The following VPS13B variants were observed in gnomAD, a reference collection of about 807,000 sequenced individuals.
The protein encoded by VPS13B is vacuolar protein sorting 13 homolog B, also known as intermembrane lipid transfer protein VPS13B.
In VPS13B, 285 loss-of-function variants were observed where a neutral mutation model predicts 426.4. That is an observed-to-expected ratio of 0.67 (90% CI 0.61 to 0.74). The LOEUF (loss-of-function observed/expected upper bound fraction) is 0.74. VPS13B is among the 30% of genes least tolerant of loss of function. The pLI, the probability that VPS13B is intolerant of heterozygous loss-of-function variation, is 0.00. For missense variants in VPS13B, 4,537 were observed against 4,782.6 expected (o/e 0.95, Z 1.51); for synonymous variants, 1,676 against 1,676.4 (o/e 1.00, Z 0.01).
rs150328055 is a variant in VPS13B, at chr8:99,628,665, A to G, written c.5221-13146A>G. Among the ~76,000 whole-genome samples, 21 of 152,328 alleles carry G rather than the reference A, an allele frequency of 1.4e-4. No individual in the cohort carries two copies. In the East Asian group the frequency reaches 1.7e-3, roughly 13 times the overall value. ...GATTTTTGAGTCATGGTTAAGAGCT[A>G]TGAAAGAAATAAGGTTCCGAGACAA... On this transcript the variant is annotated intron_variant, in intron 33 of 61. Transcript: ENST00000357162.
At chr8:99,654,800 T>A (rs1205591179) in intron 34 of VPS13B, among the ~76,000 whole-genome samples, 2 of 152,066 alleles carry the variant, frequency 1.3e-5, no homozygotes, top group Non-Finnish European at 2.9e-5. Context: ...TTAAATTCTC[T>A]GTAAGTTCTA....
intron 35 of VPS13B, among the ~76,000 whole-genome samples, chr8:99,691,634 C>A (rs1475780535): frequency 6.6e-6 from 1 of 150,702 alleles, no homozygotes; most frequent in African/African-American, 2.4e-5. Context: ...ACTGCATCAA[C>A]TAACGAGCAA....
intron 23 of VPS13B, among the ~76,000 whole-genome samples, chr8:99,444,988 G>A (rs1271330847): frequency 1.3e-5 from 2 of 151,524 alleles, no homozygotes; most frequent in Admixed American, 6.6e-5. Flanking sequence ...CTACTTTTTA[G>A]TTGTATTTTT....
chr8:99,343,796 A>G (rs1811380348), intron 19 of VPS13B, among the ~76,000 whole-genome samples: 2 of 152,226 alleles, frequency 1.3e-5, no homozygotes, highest in Non-Finnish European at 2.9e-5. Flanking sequence ...TGAAGACTAT[A>G]GAACACTGAT....
At chr8:99,209,288 AAAAC>A (rs1814922152) in intron 17 of VPS13B, among the ~76,000 whole-genome samples, 1 of 151,016 alleles carries the variant, frequency 6.6e-6, no homozygotes. Flanking sequence ...TCTCAAAAAA[AAAAC>A]AAAACAAAAA....
At chr8:99,142,050 AAAAT>A (rs1257526958) in intron 12 of VPS13B, among the ~76,000 whole-genome samples, 1 of 152,168 alleles carries the variant, frequency 6.6e-6, no homozygotes, top group Non-Finnish European at 1.5e-5. Context: ...CTCTGTCTCA[AAAAT>A]AAATAAATAA....
At chr8:99,385,460 C>A (rs1814063907) in intron 20 of VPS13B, among the ~76,000 whole-genome samples, 1 of 152,128 alleles carries the variant, frequency 6.6e-6, no homozygotes, top group South Asian at 2.1e-4. Flanking sequence ...TACTAAGGAG[C>A]ACCTTTTAAA....
At chr8:99,858,512 C>A (rs967064583) in intron 56 of VPS13B, among the ~76,000 whole-genome samples, 2 of 152,168 alleles carry the variant, frequency 1.3e-5, no homozygotes, top group African/African-American at 4.8e-5. Flanking sequence ...ATGGTGAATC[C>A]CCATCTCTAC....
intron 5 of VPS13B, among the ~76,000 whole-genome samples, chr8:99,106,023 T>C (rs981884507): frequency 6.6e-6 from 1 of 152,216 alleles, no homozygotes; most frequent in Non-Finnish European, 1.5e-5. Flanking sequence ...AATTATCTTG[T>C]TTAACCCTTT....
intron 2 of VPS13B, among the ~76,000 whole-genome samples, chr8:99,015,533 A>C (rs989548141): frequency 6.0e-5 from 9 of 150,284 alleles, no homozygotes; most frequent in Admixed American, 2.7e-4. Context: ...CAATTTTAAA[A>C]TGTTTTACAC....
At chr8:99,670,187 T>C (rs186422211) in intron 35 of VPS13B, among the ~76,000 whole-genome samples, 5 of 152,218 alleles carry the variant, frequency 3.3e-5, no homozygotes, top group Non-Finnish European at 4.4e-5. Context: ...AGGTAACTGA[T>C]TCAGGAGGAT....
intron 40 of VPS13B, among the ~76,000 whole-genome samples, chr8:99,773,088 A>T (rs1811589965): frequency 6.6e-6 from 1 of 152,184 alleles, no homozygotes; most frequent in South Asian, 2.1e-4. Flanking sequence ...ATTTGTTTTT[A>T]ATCAAGTGGT....
At chr8:99,667,353 C>G (rs1338317097) in intron 35 of VPS13B, among the ~76,000 whole-genome samples, 1 of 151,952 alleles carries the variant, frequency 6.6e-6, no homozygotes, top group Non-Finnish European at 1.5e-5. Context: ...CTTTGAGAGC[C>G]AAACCACAGA....
intron 25 of VPS13B, among the ~76,000 whole-genome samples, chr8:99,494,440 A>G (rs1173851639): frequency 6.6e-6 from 1 of 151,836 alleles, no homozygotes; most frequent in African/African-American, 2.4e-5. Context: ...ATTCTTAAGC[A>G]TTTTATTATT....
chr8:99,648,727 T>C (rs1186715937), intron 34 of VPS13B, among the ~76,000 whole-genome samples: 6 of 152,124 alleles, frequency 3.9e-5, no homozygotes, highest in African/African-American at 1.4e-4. Flanking sequence ...CCAGATAAGA[T>C]TTTAATCTTT....
chr8:99,236,520 G>T (rs1435414617), intron 17 of VPS13B, among the ~76,000 whole-genome samples: 1 of 152,170 alleles, frequency 6.6e-6, no homozygotes, highest in East Asian at 1.9e-4. Context: ...AAAGTGCTAG[G>T]ATTACAGGCA....
intron 3 of VPS13B, among the ~76,000 whole-genome samples, chr8:99,051,400 G>C (rs1279037971): frequency 4.0e-5 from 6 of 150,982 alleles, no homozygotes; most frequent in Non-Finnish European, 7.4e-5. Context: ...TCTCTGTTTT[G>C]GTACCAGTAC....
chr8:99,360,333 A>G (rs1264057244), intron 19 of VPS13B, among the ~76,000 whole-genome samples: 10 of 145,170 alleles, frequency 6.9e-5, no homozygotes, highest in Non-Finnish European at 1.2e-4. Context: ...GATGGAGTGC[A>G]GTGGCACGAT....
At chr8:99,870,683 CT>C (rs1817351633) in intron 59 of VPS13B, 101 bp from the exon 60 acceptor site, 1 of 1,038,650 alleles carries the variant, frequency 9.6e-7, no homozygotes, top group Non-Finnish European at 1.5e-6. Context: ...CATTTTGGAT[CT>C]GTAACATTTT....
Sources: gnomAD v4.1 joint callset for allele counts (sites outside exome capture counted in the v4.1 genomes callset) on GRCh38, gnomAD v4.1.1 for gene constraint, MANE v1.5 for transcripts, NCBI Gene and HGNC (gene_info 2026-07-23, HGNC 2026-07-21) for gene names.